Variants in PAK5 observed in about 807,000 individuals in gnomAD.
The protein encoded by PAK5 is p21 (RAC1) activated kinase 5.
In PAK5, 16 loss-of-function variants were observed where a neutral mutation model predicts 65.9. That is an observed-to-expected ratio of 0.24 (90% CI 0.16 to 0.37). PAK5 has a LOEUF of 0.37. Ranked by LOEUF, PAK5 falls within the 10% of genes least tolerant of loss-of-function variation. PAK5 has a pLI of 1.00. For synonymous variants in PAK5, 371 were observed against 354.9 expected, an observed-to-expected ratio of 1.05 and a Z score of -0.51; for missense variants, 785 against 903.9, an observed-to-expected ratio of 0.87 and a Z score of 1.69.
intron 1 of PAK5, among the ~76,000 whole-genome samples, chr20:9,837,484 TA>T (rs1473718796): frequency 2.0e-5 from 3 of 152,250 alleles, no homozygotes; most frequent in African/African-American, 7.2e-5. Context: ...TCTCCCTAAC[TA>T]ACCTGGTTAT....
At chr20:9,745,999 A>C (rs563441146) in intron 1 of PAK5, among the ~76,000 whole-genome samples, 105 of 152,328 alleles carry the variant, frequency 6.9e-4, no homozygotes, top group African/African-American at 2.5e-3. Context: ...AAAGAGAAGA[A>C]AGTTTTAAAA....
At chr20:9,712,520 C>G (rs1332377184) in intron 1 of PAK5, among the ~76,000 whole-genome samples, 1 of 151,938 alleles carries the variant, frequency 6.6e-6, no homozygotes, top group Non-Finnish European at 1.5e-5. Flanking sequence ...AAAAGGAATC[C>G]TAAAATTCAT....
chr20:9,655,980 T>C (rs2047262423), intron 2 of PAK5, among the ~76,000 whole-genome samples: 1 of 152,160 alleles, frequency 6.6e-6, no homozygotes, highest in African/African-American at 2.4e-5. Flanking sequence ...TAATCATCTC[T>C]TTAAAGTCCC....
In PAK5 at chr20:9,539,422, A is replaced by G. The variant is rs748010909; in HGVS notation, c.*40T>C. On this transcript the variant is annotated 3_prime_UTR_variant, in exon 10 of 10. Coordinates refer to ENST00000353224, the MANE Select transcript of PAK5 (RefSeq NM_177990.4). ...CCTTTTGTTCTCCTGAATTATTCTC[A>G]TGTCCTCATCTAGCTTTGCCACCTA... 1.5e-5 allele frequency: 24 copies of G among 1,594,526 alleles called. No homozygotes were observed. Among genetic ancestry groups the G allele is most frequent in the Non-Finnish European group, 2.0e-5 (23 of 1,163,226 alleles).
At chr20:9,539,730 T>G in intron 9 of PAK5, 113 bp from the exon 10 acceptor site, 1 of 817,724 alleles carries the variant, frequency 1.2e-6, no homozygotes. Context: ...AAAGTTACCT[T>G]AAGGAGAAAG....
Position 9,572,382 on chromosome 20 carries a change from G to A in PAK5, c.991-5998C>T, listed in dbSNP as rs762308528. Among the ~76,000 whole-genome samples the A allele has an allele frequency of 5.3e-5, 8 of 152,162 alleles. 1 individual carries two copies. Among genetic ancestry groups the A allele is most frequent in the Non-Finnish European group, 5.9e-5 (4 of 68,028 alleles). ...CATGATAGCCTATATTTGGAAGGCA[G>A]AAAACATAAATGATGAATTTGTCCA... On this transcript the variant is annotated intron_variant, in intron 4 of 9. Coordinates refer to ENST00000353224, the MANE Select transcript of PAK5 (RefSeq NM_177990.4).
rs763504255 is a variant in PAK5, at chr20:9,563,062, T to C, written c.1483-38A>G. ...GAAATATACTTTTGACTTGTGAAGA[T>C]GAAGTTGCTTTTTGTTCTCTTGTGG... is the stretch of plus-strand genomic sequence containing the variant. On this transcript the variant is annotated intron_variant, in intron 5 of 9. Transcript: ENST00000353224. 8.1e-6 allele frequency: 13 copies of C among 1,604,116 alleles called. No individual in the cohort carries two copies. In the East Asian group the frequency reaches 1.6e-4, roughly 19 times the overall value.
intron 1 of PAK5, among the ~76,000 whole-genome samples, chr20:9,834,816 T>C (rs1009421671): frequency 2.6e-5 from 4 of 152,172 alleles, no homozygotes; most frequent in Non-Finnish European, 5.9e-5. Flanking sequence ...TAATGATTAT[T>C]ATTTATTGTT....
intron 1 of PAK5, among the ~76,000 whole-genome samples, chr20:9,836,212 A>G (rs6056921): frequency 0.55 from 82,904 of 152,066 alleles, 23,519 homozygotes; most frequent in African/African-American, 0.71. Flanking sequence ...TGTTGTCATC[A>G]AACACAGTTC....
At chr20:9,813,576 T>C (rs1469479239) in intron 1 of PAK5, among the ~76,000 whole-genome samples, 4 of 152,154 alleles carry the variant, frequency 2.6e-5, no homozygotes, top group African/African-American at 7.2e-5. Flanking sequence ...GTAATAGCCC[T>C]AAATGGAAAA....
intron 3 of PAK5, among the ~76,000 whole-genome samples, chr20:9,624,759 G>A (rs954864925): frequency 4.6e-5 from 7 of 151,898 alleles, no homozygotes; most frequent in Non-Finnish European, 1.5e-5. Flanking sequence ...TGGGTTCTCT[G>A]AGCCTCAGAT....
chr20:9,583,644 G>A (rs945571053), intron 3 of PAK5, among the ~76,000 whole-genome samples: 1 of 152,156 alleles, frequency 6.6e-6, no homozygotes, highest in Admixed American at 6.5e-5. Flanking sequence ...TTGAAACTAC[G>A]TACATTAATT....
In PAK5 at chr20:9,718,620, C is replaced by T. The variant is rs968322424; in HGVS notation, c.-161-7185G>A. Among the ~76,000 whole-genome samples, 4 of 152,096 alleles carry T rather than the reference C, an allele frequency of 2.6e-5. No individual in the cohort carries two copies. In the East Asian group the frequency reaches 7.7e-4, roughly 29 times the overall value. ...ATCCCATTAGATTAAAACCTTCCAA[C>T]AACTCTGAGACATTAGATTAAGAGG... On this transcript the variant is annotated intron_variant, in intron 1 of 9. Transcript: ENST00000353224.
intron 3 of PAK5, among the ~76,000 whole-genome samples, chr20:9,639,985 T>G (rs2047030399): frequency 6.6e-6 from 1 of 152,206 alleles, no homozygotes; most frequent in Non-Finnish European, 1.5e-5. Context: ...TAAATGATAC[T>G]TTGTCCTAAC....
intron 1 of PAK5, among the ~76,000 whole-genome samples, chr20:9,822,733 T>A (rs2049437605): frequency 6.6e-6 from 1 of 152,246 alleles, no homozygotes; most frequent in Non-Finnish European, 1.5e-5. Flanking sequence ...CCCATATGCC[T>A]ACTGACTTCC....
In PAK5 at chr20:9,838,381, C is replaced by T. The variant is rs1979327883; in HGVS notation, c.-162+381G>A. ...CGTGGCACCCCCAGGGCGTGCGCTGCTGTATACACACAAAGAACTGGTGCT... is the reference window on the plus strand; with the variant it reads ...CGTGGCACCCCCAGGGCGTGCGCTGTTGTATACACACAAAGAACTGGTGCT... On this transcript the variant is annotated intron_variant, in intron 1 of 9. Coordinates refer to ENST00000353224, the MANE Select transcript of PAK5 (RefSeq NM_177990.4). The surrounding 1 kb of genome is among the most constrained non-coding windows in gnomAD (Gnocchi z 4.5). Among the ~76,000 whole-genome samples the T allele has an allele frequency of 6.6e-6, 1 of 152,170 alleles. No individual in the cohort carries two copies.
At chr20:9,780,075 G>A (rs1422811063) in intron 1 of PAK5, among the ~76,000 whole-genome samples, 4 of 152,090 alleles carry the variant, frequency 2.6e-5, no homozygotes, top group African/African-American at 9.7e-5. Flanking sequence ...TTTTCTGCAT[G>A]CTTTGGAGAC....
At chr20:9,612,533 G>A (rs2046581697) in intron 3 of PAK5, among the ~76,000 whole-genome samples, 1 of 152,068 alleles carries the variant, frequency 6.6e-6, no homozygotes, top group South Asian at 2.1e-4. Flanking sequence ...AGAGTGGGGA[G>A]GGGCCGCACA....
chr20:9,644,368 C>T, intron 2 of PAK5, 29 bp from the exon 3 acceptor site: 3 of 1,443,292 alleles, frequency 2.1e-6, no homozygotes, highest in Admixed American at 1.7e-5. Context: ...AAAGAGGCAG[C>T]CATTTATATC....
Sources: allele counts gnomAD v4.1 joint callset (sites outside exome capture counted in the v4.1 genomes callset), GRCh38; gene constraint gnomAD v4.1.1; non-coding constraint Gnocchi (gnomAD v3.1); transcripts MANE v1.5; gene names NCBI Gene and HGNC (gene_info 2026-07-23, HGNC 2026-07-21).